DSCAM: variants seen among roughly 807,000 people sequenced by gnomAD.
DSCAM encodes cell adhesion molecule DSCAM.
A neutral mutation model predicts 217.7 loss-of-function variants in DSCAM; 47 were observed. That is an observed-to-expected ratio of 0.22 (90% CI 0.17 to 0.28). DSCAM has a LOEUF of 0.28. Among genes scored for constraint, DSCAM ranks in the 10% least tolerant of loss-of-function variants. The pLI, the probability that DSCAM is intolerant of heterozygous loss-of-function variation, is 1.00. For missense variants in DSCAM, 2,080 were observed against 2,618.3 expected, an observed-to-expected ratio of 0.79 and a Z score of 4.49; for synonymous variants, 1,056 against 1,015.3, an observed-to-expected ratio of 1.04 and a Z score of -0.76.
chr21:40,588,930 T>C (rs1286822554), intron 3 of DSCAM, among the ~76,000 whole-genome samples: 1 of 152,190 alleles, frequency 6.6e-6, no homozygotes, highest in African/African-American at 2.4e-5. Flanking sequence ...CAGTATTCTG[T>C]AGCCATATTT....
At chr21:40,485,187 A>T (rs1032542113) in intron 3 of DSCAM, among the ~76,000 whole-genome samples, 6 of 152,054 alleles carry the variant, frequency 3.9e-5, no homozygotes, top group Non-Finnish European at 7.4e-5. Flanking sequence ...CTCCAAAAAT[A>T]AAACACAGTC....
chr21:40,023,180 T>C (rs556475126), intron 32 of DSCAM, among the ~76,000 whole-genome samples: 2 of 152,104 alleles, frequency 1.3e-5, no homozygotes, highest in African/African-American at 4.8e-5. Flanking sequence ...ATTTCATCCA[T>C]GTCCCTACAA....
At chr21:40,062,833 A>C (rs367982690) in intron 28 of DSCAM, 36 bp downstream of exon 28, 3 of 1,546,812 alleles carry the variant, frequency 1.9e-6, no homozygotes, top group African/African-American at 1.4e-5. Context: ...TTGTTCTTTC[A>C]AACATGATAT....
At chr21:40,270,500 C>T (rs891669196) in intron 11 of DSCAM, among the ~76,000 whole-genome samples, 49 of 152,270 alleles carry the variant, frequency 3.2e-4, no homozygotes, top group African/African-American at 1.2e-3. Context: ...TGTTCACAAA[C>T]CTGGGACACC....
intron 3 of DSCAM, among the ~76,000 whole-genome samples, chr21:40,615,194 A>G (rs981343385): frequency 6.0e-5 from 9 of 150,226 alleles, no homozygotes; most frequent in African/African-American, 2.2e-4. Flanking sequence ...AACCCAGGAG[A>G]ATGCCTTGAA....
intron 3 of DSCAM, among the ~76,000 whole-genome samples, chr21:40,552,187 G>A (rs1394983634): frequency 2.0e-5 from 3 of 151,998 alleles, no homozygotes; most frequent in African/African-American, 7.2e-5. Context: ...GGTGGCGTGT[G>A]CCTGTAGTCC....
At chr21:40,135,032 G>A (rs535758575) in intron 18 of DSCAM, among the ~76,000 whole-genome samples, 3 of 152,262 alleles carry the variant, frequency 2.0e-5, no homozygotes, top group African/African-American at 4.8e-5. Context: ...TATGATACAC[G>A]GCAATTTGAG....
rs1358485768 is a variant in DSCAM, at chr21:40,360,120, A to T, written c.656-6377T>A. The stretch of plus-strand genomic sequence containing the variant: ...GTAGTGAGCATGGTACTTCATAGGT[A>T]GTCTTTTTTTTTTTTTTTTTTTTTT... On this transcript the variant is annotated intron_variant, in intron 4 of 32. Coordinates refer to ENST00000400454, the MANE Select transcript of DSCAM (RefSeq NM_001389.5). Among the ~76,000 whole-genome samples, 6 of 94,762 alleles carry T rather than the reference A, an allele frequency of 6.3e-5. 1 individual carries two copies. Among genetic ancestry groups the T allele is most frequent in the South Asian group, 3.8e-4 (1 of 2,640 alleles). 62.2% of individuals were successfully genotyped at this position (94,762 alleles called of 152,430 possible).
At chr21:40,513,060 C>G (rs990675223) in intron 3 of DSCAM, 14 of 152,198 alleles carry the variant, frequency 9.2e-5, no homozygotes, top group African/African-American at 3.1e-4. Flanking sequence ...CCACCACGCC[C>G]TGCTAATTTG....
intron 3 of DSCAM, among the ~76,000 whole-genome samples, chr21:40,677,564 C>T (rs1402520667): frequency 6.6e-6 from 1 of 152,124 alleles, no homozygotes; most frequent in Non-Finnish European, 1.5e-5. Context: ...AGTCAAGAAA[C>T]ATTGGCCTAA....
intron 4 of DSCAM, among the ~76,000 whole-genome samples, chr21:40,360,098 G>A (rs1167906599): frequency 2.1e-5 from 3 of 143,314 alleles, no homozygotes. Context: ...TCCTCAGGTA[G>A]TGAGCATGGT....
At chr21:40,224,415 G>T (rs1238907481) in intron 11 of DSCAM, among the ~76,000 whole-genome samples, 2 of 152,196 alleles carry the variant, frequency 1.3e-5, no homozygotes, top group African/African-American at 4.8e-5. Context: ...AAAGATGTTT[G>T]CTCCTCTTTG....
chr21:40,548,160 T>C (rs1045165656), intron 3 of DSCAM, among the ~76,000 whole-genome samples: 1 of 152,178 alleles, frequency 6.6e-6, no homozygotes, highest in African/African-American at 2.4e-5. Context: ...TTGGCTTTTA[T>C]AGAAAAAAGC....
rs548296856 is a variant in DSCAM, at chr21:40,016,894, T to A, written c.5687-3508A>T. ...CACTTTGGGAGGCCTAGGCAATGGA[T>A]CACCTGAGGTCAGGTGTTCGAGACC... On this transcript the variant is annotated intron_variant, in intron 32 of 32. Transcript: ENST00000400454. The surrounding 1 kb of genome is among the most constrained non-coding windows in gnomAD (Gnocchi z 4.3). Among the ~76,000 whole-genome samples the A allele has an allele frequency of 9.2e-5, 14 of 152,232 alleles. No individual in the cohort carries two copies. Among genetic ancestry groups the A allele is most frequent in the African/African-American group, 3.4e-4 (14 of 41,544 alleles).
Position 40,754,941 on chromosome 21 carries a change from T to C in DSCAM, c.44-46170A>G, listed in dbSNP as rs551942977. ...TTGAAAGTCTGGATTTATAGGACAA[T>C]TGAGAGGGAAGAGAGTTTTCTAAAT... is the stretch of plus-strand genomic sequence containing the variant. On this transcript the variant is annotated intron_variant, in intron 1 of 32. Transcript: ENST00000400454. Among the ~76,000 whole-genome samples, 3 of 152,352 alleles carry C rather than the reference T, an allele frequency of 2.0e-5. No homozygotes were observed. The South Asian group carries it at 6.2e-4, about 32-fold the overall frequency.
chr21:40,634,010 T>C (rs757790667), intron 3 of DSCAM, among the ~76,000 whole-genome samples: 1 of 152,124 alleles, frequency 6.6e-6, no homozygotes, highest in African/African-American at 2.4e-5. Flanking sequence ...CCCAGGAACA[T>C]AGCCTAACAA....
chr21:40,359,499 A>C (rs2074734337), intron 4 of DSCAM, among the ~76,000 whole-genome samples: 1 of 152,248 alleles, frequency 6.6e-6, no homozygotes, highest in Non-Finnish European at 1.5e-5. Flanking sequence ...GAATGAAAAC[A>C]TGTTCACTCA....
chr21:40,708,834 A>G, intron 1 of DSCAM, 63 bp from the exon 2 acceptor site: 1 of 1,201,964 alleles, frequency 8.3e-7, no homozygotes, highest in Non-Finnish European at 1.1e-6. Context: ...TTTGCAGTTC[A>G]ATGTCTGGCC....
chr21:40,037,973 G>A lies in DSCAM; in HGVS notation c.5686+4398C>T, dbSNP rs527542672. 1.7e-3 allele frequency among the ~76,000 whole-genome samples: 250 copies of A among 145,940 alleles called. 2 individuals are homozygous for A. The highest frequency in any genetic ancestry group is 6.2e-3 in the African/African-American group (243 of 39,400). On this transcript the variant is annotated intron_variant, in intron 32 of 32. Coordinates refer to ENST00000400454, the MANE Select transcript of DSCAM (RefSeq NM_001389.5). ...AAAACTGGCTAGCCATATGTAGAAA[G>A]CTGAAACTGGATCCCTTCCTTACAC...
Sources: allele counts gnomAD v4.1 joint callset (sites outside exome capture counted in the v4.1 genomes callset), GRCh38; gene constraint gnomAD v4.1.1; non-coding constraint Gnocchi (gnomAD v3.1); transcripts MANE v1.5; gene names NCBI Gene and HGNC (gene_info 2026-07-23, HGNC 2026-07-21).